WDR70: variants seen among roughly 807,000 people sequenced by gnomAD.
WDR70 encodes WD repeat domain 70.
Under a neutral mutation model 88.6 loss-of-function variants are expected in WDR70, and 53 were observed. That is an observed-to-expected ratio of 0.60 (90% confidence interval 0.48 to 0.75). The LOEUF (loss-of-function observed/expected upper bound fraction) is 0.75. WDR70 is among the 30% of genes least tolerant of loss of function. The pLI, the probability that WDR70 is intolerant of heterozygous loss-of-function variation, is 0.00. For synonymous variants in WDR70, 280 were observed against 270.0 expected (o/e 1.04, Z -0.36); for missense variants, 610 against 823.2 (o/e 0.74, Z 3.17).
chr5:37,414,601 GTT>G (rs765190732), intron 5 of WDR70, among the ~76,000 whole-genome samples: 19 of 121,256 alleles, frequency 1.6e-4, no homozygotes, highest in Admixed American at 1.7e-4. Flanking sequence ...AGGACAGTCT[GTT>G]TTTTTTTTTT....
At chr5:37,504,583 C>T (rs1386455141) in intron 8 of WDR70, among the ~76,000 whole-genome samples, 1 of 152,158 alleles carries the variant, frequency 6.6e-6, no homozygotes, top group East Asian at 1.9e-4. Flanking sequence ...TAGATTATCT[C>T]TCAATACAAT....
chr5:37,695,001 A>G (rs1420878890), intron 10 of WDR70, among the ~76,000 whole-genome samples: 1 of 152,184 alleles, frequency 6.6e-6, no homozygotes, highest in Admixed American at 6.5e-5. Flanking sequence ...TTGAGGCTGC[A>G]TAATCTATAA....
intron 8 of WDR70, among the ~76,000 whole-genome samples, chr5:37,514,688 G>A (rs1163576996): frequency 2.6e-5 from 4 of 151,876 alleles, no homozygotes; most frequent in South Asian, 2.1e-4. Context: ...ATTTTTAAGG[G>A]ATTATACTGA....
chr5:37,645,853 G>A (rs1002340637), intron 10 of WDR70, among the ~76,000 whole-genome samples: 1 of 151,946 alleles, frequency 6.6e-6, no homozygotes, highest in East Asian at 1.9e-4. Context: ...TTCAGTCTAT[G>A]TGTGTCTTTG....
intron 9 of WDR70, among the ~76,000 whole-genome samples, chr5:37,562,897 T>A (rs1742559988): frequency 6.6e-6 from 1 of 151,508 alleles, no homozygotes; most frequent in Non-Finnish European, 1.5e-5. Context: ...TTTCCCCACC[T>A]TTCCCCCCTT....
intron 9 of WDR70, among the ~76,000 whole-genome samples, chr5:37,596,023 G>A (rs80136605): frequency 0.013 from 1,962 of 152,180 alleles, 55 homozygotes; most frequent in African/African-American, 0.044. Flanking sequence ...GAAATTTTGG[G>A]GGTTTTGTTT....
intron 9 of WDR70, among the ~76,000 whole-genome samples, chr5:37,518,088 T>C (rs983431855): frequency 2.0e-5 from 3 of 151,706 alleles, no homozygotes; most frequent in Admixed American, 2.0e-4. Context: ...CTAATTTTTA[T>C]ATTTTTAGTA....
At chr5:37,643,982 C>T (rs112520038) in intron 10 of WDR70, among the ~76,000 whole-genome samples, 7,366 of 151,754 alleles carry the variant, frequency 0.049, 578 homozygotes, top group African/African-American at 0.16. Context: ...TTTATTTTTT[C>T]ACTTGTCTAA....
At chr5:37,381,580 C>T in intron 2 of WDR70, 22 bp from the exon 3 acceptor site, 4 of 1,603,890 alleles carry the variant, frequency 2.5e-6, no homozygotes, top group South Asian at 1.1e-5. Context: ...CAATCACAGT[C>T]TCCCATTTGT....
chr5:37,574,379 C>A (rs1014238533), intron 9 of WDR70, among the ~76,000 whole-genome samples: 1 of 152,184 alleles, frequency 6.6e-6, no homozygotes, highest in South Asian at 2.1e-4. Context: ...TAGCAGCATA[C>A]CCCCCTCCAT....
intron 9 of WDR70, among the ~76,000 whole-genome samples, chr5:37,521,034 T>C (rs1297294347): frequency 2.6e-5 from 4 of 152,200 alleles, no homozygotes; most frequent in Non-Finnish European, 5.9e-5. Context: ...TGGGCTATTC[T>C]GGTTAAAACT....
intron 9 of WDR70, among the ~76,000 whole-genome samples, chr5:37,520,349 T>G (rs888736122): frequency 6.6e-6 from 1 of 152,078 alleles, no homozygotes; most frequent in Non-Finnish European, 1.5e-5. Context: ...TAATTTGATC[T>G]AAAAGAAACT....
chr5:37,649,363 TTTAC>T (rs1652673541), intron 10 of WDR70, among the ~76,000 whole-genome samples: 2 of 151,586 alleles, frequency 1.3e-5, no homozygotes, highest in South Asian at 4.2e-4. Flanking sequence ...TTTTTATTTA[TTTAC>T]TTACTTATTT....
At chr5:37,497,219 C>G (rs574605596) in intron 8 of WDR70, among the ~76,000 whole-genome samples, 22 of 145,580 alleles carry the variant, frequency 1.5e-4, no homozygotes, top group African/African-American at 5.4e-4. Context: ...CCTCCATCCT[C>G]CTCCGTCCTC....
chr5:37,541,442 G>A (rs1305420746), intron 9 of WDR70, among the ~76,000 whole-genome samples: 2 of 152,112 alleles, frequency 1.3e-5, no homozygotes, highest in Admixed American at 6.6e-5. Flanking sequence ...ACTTAAAAAA[G>A]TACTTCTGTG....
At chr5:37,428,300 T>A (rs1750197655) in intron 5 of WDR70, among the ~76,000 whole-genome samples, 2 of 152,208 alleles carry the variant, frequency 1.3e-5, no homozygotes, top group South Asian at 4.1e-4. Flanking sequence ...CACAGTAAAA[T>A]GCAACCAATT....
At chr5:37,698,289 T>A (rs1747041396) in intron 11 of WDR70, among the ~76,000 whole-genome samples, 1 of 152,152 alleles carries the variant, frequency 6.6e-6, no homozygotes, top group Non-Finnish European at 1.5e-5. Flanking sequence ...GCTTCCTAAT[T>A]TTTTTGCTAA....
At chr5:37,715,337 CAAAAAA>C (rs138965709) in intron 13 of WDR70, among the ~76,000 whole-genome samples, 4 of 112,984 alleles carry the variant, frequency 3.5e-5, no homozygotes, top group Non-Finnish European at 5.4e-5. Context: ...AGATTTCTGG[CAAAAAA>C]AAAAAAAAAA....
chr5:37,561,829 G>T (rs954549388), intron 9 of WDR70, among the ~76,000 whole-genome samples: 40 of 152,262 alleles, frequency 2.6e-4, no homozygotes, highest in African/African-American at 9.1e-4. Flanking sequence ...ATCTGAAATT[G>T]TAAGCAGTTT....
Sources: gnomAD v4.1 joint callset for allele counts (sites outside exome capture counted in the v4.1 genomes callset) on GRCh38, gnomAD v4.1.1 for gene constraint, MANE v1.5 for transcripts, NCBI Gene and HGNC (gene_info 2026-07-23, HGNC 2026-07-21) for gene names.